The following DMD variants were observed in gnomAD, a reference collection of about 807,000 sequenced individuals.
DMD encodes the protein dystrophin.
In DMD, 63 loss-of-function variants were observed where a neutral mutation model predicts 330.1. The ratio of observed to expected loss-of-function variants is 0.19; its 90% CI spans 0.16 to 0.24. The LOEUF is 0.24. Among genes scored for constraint, DMD ranks in the 10% least tolerant of loss-of-function variants. DMD has a pLI of 1.00. For missense variants in DMD, 3,344 were observed against 2,684.1 expected (o/e 1.25, Z -5.43); for synonymous variants, 1,223 against 959.8 (o/e 1.27, Z -5.07).
At chrX:31,134,814 CCT>C (rs1338334532) in intron 76 of DMD, among the ~76,000 whole-genome samples, 1 of 112,052 alleles carries the variant, frequency 8.9e-6, no homozygotes, top group Non-Finnish European at 1.9e-5. Flanking sequence ...CTCTAAATAC[CCT>C]GACTTGATCA....
At chrX:31,736,326 T>C (rs2086870847) in intron 51 of DMD, among the ~76,000 whole-genome samples, 1 of 111,506 alleles carries the variant, frequency 9.0e-6, no homozygotes, top group African/African-American at 3.3e-5. Context: ...GGGACTGTCA[T>C]CACTATCAAT....
intron 43 of DMD, among the ~76,000 whole-genome samples, chrX:32,253,433 G>A (rs1295585986): frequency 9.1e-6 from 1 of 110,426 alleles, no homozygotes; most frequent in Non-Finnish European, 1.9e-5. Context: ...ATGGCAGAAC[G>A]ATGTAAAGTG....
At chrX:32,138,486 T>C (rs2096738040) in intron 44 of DMD, among the ~76,000 whole-genome samples, 1 of 112,272 alleles carries the variant, frequency 8.9e-6, no homozygotes, top group Non-Finnish European at 1.9e-5. Context: ...ACACAGTTGC[T>C]CTACTTGCAT....
At chrX:32,661,088 A>C (rs1436942062) in intron 9 of DMD, among the ~76,000 whole-genome samples, 2 of 108,656 alleles carry the variant, frequency 1.8e-5, no homozygotes, top group African/African-American at 3.4e-5. Flanking sequence ...CTGTATATTA[A>C]AAATTGGTAA....
At chrX:32,563,386 G>T (rs1156794068) in intron 16 of DMD, among the ~76,000 whole-genome samples, 1 of 95,916 alleles carries the variant, frequency 1.0e-5, no homozygotes, top group Non-Finnish European at 2.1e-5. Flanking sequence ...ACCACAAAAA[G>T]CCCTCCAGAC....
At chrX:31,449,188 T>G (rs1280399416) in intron 59 of DMD, among the ~76,000 whole-genome samples, 1 of 111,417 alleles carries the variant, frequency 9.0e-6, no homozygotes, top group African/African-American at 3.3e-5. Flanking sequence ...AGACCTGGCA[T>G]AGTCTGCAGT....
chrX:31,136,588 A>G (rs2035269355), intron 76 of DMD, among the ~76,000 whole-genome samples: 1 of 112,095 alleles, frequency 8.9e-6, no homozygotes, highest in South Asian at 3.7e-4. Context: ...AACATCATGA[A>G]CGACGCTCAT....
intron 60 of DMD, among the ~76,000 whole-genome samples, chrX:31,387,215 T>G (rs1912026552): frequency 9.0e-6 from 1 of 111,476 alleles, no homozygotes; most frequent in Non-Finnish European, 1.9e-5. Context: ...TCTACAGCCA[T>G]GCTTTCTGTC....
At chrX:32,422,873 G>A (rs1392533053) in intron 29 of DMD, among the ~76,000 whole-genome samples, 5 of 111,036 alleles carry the variant, frequency 4.5e-5, no homozygotes, top group Non-Finnish European at 9.5e-5. Context: ...AGCTTGCAAA[G>A]AAAACGGTTT....
At chrX:32,788,314 G>A (rs768181032) in intron 7 of DMD, among the ~76,000 whole-genome samples, 2 of 111,699 alleles carry the variant, frequency 1.8e-5, no homozygotes, top group African/African-American at 6.5e-5. Flanking sequence ...GACAACAATG[G>A]TATTAAATAT....
At chrX:32,346,996 A>T (rs1234139462) in intron 38 of DMD, among the ~76,000 whole-genome samples, 20 of 111,697 alleles carry the variant, frequency 1.8e-4, no homozygotes, top group Non-Finnish European at 3.6e-4. Context: ...AAATTTCAAA[A>T]GTCACAAGTA....
At chrX:32,336,610 C>G (rs2097716873) in intron 41 of DMD, among the ~76,000 whole-genome samples, 1 of 111,324 alleles carries the variant, frequency 9.0e-6, no homozygotes, top group Non-Finnish European at 1.9e-5. Flanking sequence ...AACGAGCAGT[C>G]TTAAACTCCG....
At chrX:31,884,732 A>G (rs1250323006) in intron 47 of DMD, among the ~76,000 whole-genome samples, 1 of 111,698 alleles carries the variant, frequency 9.0e-6, no homozygotes, top group Non-Finnish European at 1.9e-5. Flanking sequence ...ACAATATGTG[A>G]TATTTCACAA....
At chrX:32,797,351 A>G (rs755473139) in intron 7 of DMD, among the ~76,000 whole-genome samples, 4 of 112,533 alleles carry the variant, frequency 3.6e-5, no homozygotes, top group Non-Finnish European at 7.5e-5. Context: ...CAGTGAAGTA[A>G]GTTTTCCAAC....
chrX:32,755,514 A>G (rs749796498), intron 7 of DMD, among the ~76,000 whole-genome samples: 69 of 111,910 alleles, frequency 6.2e-4, no homozygotes, highest in Non-Finnish European at 1.0e-3. Flanking sequence ...TGTTTACTCC[A>G]ACTAAGAGCA....
intron 11 of DMD, among the ~76,000 whole-genome samples, chrX:32,624,006 T>C (rs1441661911): frequency 8.9e-6 from 1 of 112,039 alleles, no homozygotes; most frequent in African/African-American, 3.2e-5. Flanking sequence ...TCTTTGTTGA[T>C]GAAAATGGCT....
At chrX:32,394,925 A>AC (rs1557326870) in intron 30 of DMD, among the ~76,000 whole-genome samples, 8 of 95,628 alleles carry the variant, frequency 8.4e-5, no homozygotes, top group East Asian at 3.6e-4. Context: ...ACAAAAAAAA[A>AC]AAAAAAAAGA....
At chrX:32,847,895 G>T (rs1036032656) in intron 3 of DMD, among the ~76,000 whole-genome samples, 15 of 112,224 alleles carry the variant, frequency 1.3e-4, no homozygotes, top group Admixed American at 7.5e-4. Flanking sequence ...GAAATTAGTG[G>T]TTTTTTCTTT....
intron 1 of DMD, among the ~76,000 whole-genome samples, chrX:33,191,144 A>G (rs2050618430): frequency 9.9e-6 from 1 of 100,548 alleles, no homozygotes; most frequent in East Asian, 3.2e-4. Context: ...ATATCTAAAT[A>G]TCTTTTGTTT....
Sources: allele counts gnomAD v4.1 joint callset (sites outside exome capture counted in the v4.1 genomes callset), GRCh38; gene constraint gnomAD v4.1.1; transcripts MANE v1.5; gene names NCBI Gene and HGNC (gene_info 2026-07-23, HGNC 2026-07-21).